The following CASR variants were observed in gnomAD, a reference collection of about 807,000 sequenced individuals.
CASR encodes extracellular calcium-sensing receptor.
In CASR, 23 loss-of-function variants were observed where a neutral mutation model predicts 69.1. That is an observed-to-expected ratio of 0.33 (90% CI 0.24 to 0.47). The LOEUF is 0.47. CASR is among the 20% of genes least tolerant of loss of function. The pLI is 1.00. For synonymous variants in CASR, 541 were observed against 544.7 expected, an observed-to-expected ratio of 0.99 and a Z score of 0.10; for missense variants, 924 against 1,356.1, an observed-to-expected ratio of 0.68 and a Z score of 5.00.
At chr3:122,274,154 GGGA>G (rs2074789414) in intron 4 of CASR, among the ~76,000 whole-genome samples, 1 of 152,224 alleles carries the variant, frequency 6.6e-6, no homozygotes, top group South Asian at 2.1e-4. Context: ...CCAGGTAGCA[GGGA>G]GTGAGGGATC....
chr3:122,244,309 G>T (rs1267426755), intron 1 of CASR, among the ~76,000 whole-genome samples: 1 of 151,812 alleles, frequency 6.6e-6, no homozygotes, highest in Non-Finnish European at 1.5e-5. Flanking sequence ...ATATATACCT[G>T]CTGTGTACCC....
intron 1 of CASR, among the ~76,000 whole-genome samples, chr3:122,210,528 C>G (rs2074054172): frequency 6.6e-6 from 1 of 152,078 alleles, no homozygotes; most frequent in Admixed American, 6.6e-5. Flanking sequence ...ATATAGCTAA[C>G]AAGGGAAGTG....
At chr3:122,188,116 C>G (rs532784748) in intron 1 of CASR, among the ~76,000 whole-genome samples, 2 of 152,284 alleles carry the variant, frequency 1.3e-5, no homozygotes, top group African/African-American at 4.8e-5. Flanking sequence ...GACTCGTGAG[C>G]ATTTTTGCAA....
In CASR at chr3:122,285,292, A is replaced by C; in HGVS notation, c.*101A>C. On this transcript the variant is annotated 3_prime_UTR_variant, in exon 7 of 7. Transcript: ENST00000639785. ...ACTCCTTTCCTCTGAGGAAGAAGGG[A>C]TAATAGACACATCAAATGCCCCGAA... 4 of 1,064,996 alleles carry C rather than the reference A, an allele frequency of 3.8e-6. No homozygotes were observed. The highest frequency in any genetic ancestry group is 5.8e-6 in the Non-Finnish European group (4 of 691,254). 66.0% of individuals were successfully genotyped at this position (1,064,996 alleles called of 1,614,324 possible).
chr3:122,213,919 A>T (rs902868203), intron 1 of CASR, among the ~76,000 whole-genome samples: 2 of 152,042 alleles, frequency 1.3e-5, no homozygotes, highest in African/African-American at 2.4e-5. Flanking sequence ...CTTCCACATG[A>T]TTGTCTCTTC....
rs1458134050 is a variant in CASR, at chr3:122,198,104, AAAC to A, written c.-243+14297_-243+14299del. Among the ~76,000 whole-genome samples the A allele has an allele frequency of 3.9e-5, 6 of 152,350 alleles. No individual in the cohort carries two copies. The South Asian group carries it at 6.2e-4, about 16-fold the overall frequency. On this transcript the variant is annotated intron_variant, in intron 1 of 6. Transcript: ENST00000639785. Reference sequence around the variant, plus strand: ...ATTAACCTCAGGAGATAAAATACTGAAACAACATCAATTAGCATTCCTTCTATT... The same window carrying A: ...ATTAACCTCAGGAGATAAAATACTGAAACATCAATTAGCATTCCTTCTATT...
At chr3:122,207,523 C>A (rs957100979) in intron 1 of CASR, among the ~76,000 whole-genome samples, 2 of 151,980 alleles carry the variant, frequency 1.3e-5, no homozygotes, top group Non-Finnish European at 2.9e-5. Flanking sequence ...AGAGGAACTT[C>A]GGAAACTTCA....
intron 4 of CASR, among the ~76,000 whole-genome samples, chr3:122,271,145 G>A (rs529317074): frequency 6.6e-6 from 1 of 152,024 alleles, no homozygotes; most frequent in Admixed American, 6.5e-5. Flanking sequence ...CCTCATCATG[G>A]GCATGACTTG....
At position 122,275,982 on chromosome 3, in the gene CASR, G is replaced by A. The variant is rs1454679281; in HGVS notation, c.1548G>A (p.Lys516=). The A allele has an allele frequency of 1.2e-6, 2 of 1,613,932 alleles. No individual in the cohort carries two copies. The highest frequency in any genetic ancestry group is 1.7e-6 in the Non-Finnish European group (2 of 1,179,924). The change falls in exon 5 of 7, where the codon AAG becomes AAA. Residue 516 remains lysine, a synonymous_variant. Coordinates refer to ENST00000639785, the MANE Select transcript of CASR (RefSeq NM_000388.4). ...KEVGYYNVYA[K]KGERLFINEE... ...TCGGGTATTACAACGTCTATGCCAA[G>A]AAGGGAGAAAGACTCTTCATCAACG... is the stretch of plus-strand genomic sequence containing the variant.
chr3:122,254,111 AC>A lies in CASR; in HGVS notation c.-78del, dbSNP rs1368910652. 5 of 1,315,212 alleles carry A rather than the reference AC, an allele frequency of 3.8e-6. No homozygotes were observed. Among genetic ancestry groups the A allele is most frequent in the Non-Finnish European group, 5.5e-6 (5 of 910,678 alleles). The allele number at this position is 1,315,212 out of a possible 1,614,324, so 81.5% of individuals were successfully genotyped here. Reference sequence around the variant, plus strand: ...CATGTGTCCCCACTGCAGGGAGTGAACTGCTCCAAGGGAGAAACTTCTGGGA... The same window carrying A: ...CATGTGTCCCCACTGCAGGGAGTGAATGCTCCAAGGGAGAAACTTCTGGGA... On this transcript the variant is annotated 5_prime_UTR_variant, in exon 2 of 7. It adds an upstream start codon to the 5' untranslated region. Coordinates refer to ENST00000639785, the MANE Select transcript of CASR (RefSeq NM_000388.4).
chr3:122,231,790 C>A (rs1272638870), intron 1 of CASR, among the ~76,000 whole-genome samples: 2 of 151,912 alleles, frequency 1.3e-5, no homozygotes, highest in Admixed American at 1.3e-4. Flanking sequence ...ACTCTCAGGA[C>A]TATCTCATTT....
At chr3:122,269,227 A>T (rs1267125118) in intron 4 of CASR, among the ~76,000 whole-genome samples, 1 of 152,240 alleles carries the variant, frequency 6.6e-6, no homozygotes. Context: ...GGCCTGATTC[A>T]GCCCAATTGA....
At chr3:122,241,013 C>T (rs1013446228) in intron 1 of CASR, among the ~76,000 whole-genome samples, 5 of 151,908 alleles carry the variant, frequency 3.3e-5, no homozygotes, top group Non-Finnish European at 5.9e-5. Context: ...ATACCAAAAC[C>T]TATGCAATAT....
chr3:122,230,860 A>T (rs2074271947), intron 1 of CASR, among the ~76,000 whole-genome samples: 1 of 152,100 alleles, frequency 6.6e-6, no homozygotes, highest in Non-Finnish European at 1.5e-5. Flanking sequence ...CCTCCACTAG[A>T]CTTCTTCAGC....
intron 5 of CASR, among the ~76,000 whole-genome samples, chr3:122,279,251 A>G (rs1333218295): frequency 6.6e-6 from 1 of 152,214 alleles, no homozygotes; most frequent in Non-Finnish European, 1.5e-5. Context: ...ATCCCTAGAC[A>G]TTTATATGAG....
intron 1 of CASR, among the ~76,000 whole-genome samples, chr3:122,202,506 A>AGAGC: frequency 7.2e-6 from 1 of 138,808 alleles, no homozygotes; most frequent in Non-Finnish European, 1.6e-5. Flanking sequence ...AGAGGGAGAG[A>AGAGC]GGCCCATTGT....
chr3:122,207,275 T>A (rs2074016389), intron 1 of CASR, among the ~76,000 whole-genome samples: 1 of 151,786 alleles, frequency 6.6e-6, no homozygotes, highest in Non-Finnish European at 1.5e-5. Flanking sequence ...AGACAGAAAA[T>A]CAACAGGAAA....
At chr3:122,277,970 A>G (rs1019765793) in intron 5 of CASR, among the ~76,000 whole-genome samples, 6 of 152,204 alleles carry the variant, frequency 3.9e-5, no homozygotes, top group Admixed American at 3.3e-4. Context: ...CCATAGAAAT[A>G]TTACCTCAAA....
intron 3 of CASR, among the ~76,000 whole-genome samples, chr3:122,259,754 C>T (rs1022507786): frequency 2.6e-5 from 4 of 151,734 alleles, no homozygotes; most frequent in Admixed American, 6.6e-5. Context: ...CTCAGCCTCC[C>T]GAGTAGCTGG....
Sources: gnomAD v4.1 joint callset for allele counts (sites outside exome capture counted in the v4.1 genomes callset) on GRCh38, gnomAD v4.1.1 for gene constraint, MANE v1.5 for transcripts, NCBI Gene and HGNC (gene_info 2026-07-23, HGNC 2026-07-21) for gene names.